ZFAT: variants seen among roughly 807,000 people sequenced by gnomAD.
ZFAT encodes zinc finger and AT-hook domain containing.
Under a neutral mutation model 117.7 loss-of-function variants are expected in ZFAT, and 64 were observed. The ratio of observed to expected loss-of-function variants is 0.54; its 90% confidence interval spans 0.44 to 0.67. ZFAT has a LOEUF of 0.67. ZFAT is among the 30% of genes least tolerant of loss of function. ZFAT has a pLI of 0.00. For missense variants in ZFAT, 1,433 were observed against 1,584.5 expected, an observed-to-expected ratio of 0.90 and a Z score of 1.62; for synonymous variants, 679 against 615.0, an observed-to-expected ratio of 1.10 and a Z score of -1.54.
chr8:134,724,824 G>T, the ZFAT span, among the ~76,000 whole-genome samples: 1 of 152,044 alleles, frequency 6.6e-6, no homozygotes, highest in Non-Finnish European at 1.5e-5. Flanking sequence ...ATTACCATGG[G>T]CTGTGGGGGA....
At chr8:134,820,874 C>CTT in the ZFAT span, among the ~76,000 whole-genome samples, 1 of 152,214 alleles carries the variant, frequency 6.6e-6, no homozygotes, top group Non-Finnish European at 1.5e-5. Context: ...ATCATAAACA[C>CTT]AAGGATAGAG....
At chr8:134,691,926 T>C (rs570593521) in intron 1 of ZFAT, among the ~76,000 whole-genome samples, 143 of 152,326 alleles carry the variant, frequency 9.4e-4, no homozygotes, top group Middle Eastern at 6.8e-3. Context: ...ACCCTGAGAA[T>C]AATCTGAACT....
intron 7 of ZFAT, chr8:134,599,235 T>G (rs571219395): frequency 6.6e-6 from 1 of 152,490 alleles, no homozygotes; most frequent in East Asian, 1.9e-4. Context: ...TGACATGCGA[T>G]AGCCGGTACA....
At chr8:134,513,680 G>A (rs73357572) in intron 13 of ZFAT, among the ~76,000 whole-genome samples, 27,803 of 152,092 alleles carry the variant, frequency 0.18, 4,443 homozygotes, top group African/African-American at 0.43. Flanking sequence ...GAGAGTGCAA[G>A]CAAAACTGTA....
At chr8:134,488,697 G>A (rs1817826021) in intron 15 of ZFAT, among the ~76,000 whole-genome samples, 1 of 149,080 alleles carries the variant, frequency 6.7e-6, no homozygotes, top group African/African-American at 2.4e-5. Context: ...ACAGGCTGCA[G>A]TTCAGGGAAG....
At chr8:134,637,737 A>G (rs1212728998) in intron 2 of ZFAT, 25 bp from the exon 3 acceptor site, 1 of 1,606,026 alleles carries the variant, frequency 6.2e-7, no homozygotes, top group Non-Finnish European at 8.5e-7. Context: ...AGAGGGCACA[A>G]TGGAATCACG....
chr8:134,714,104 C>T (rs1310523692), upstream of ZFAT, among the ~76,000 whole-genome samples: 1 of 111,674 alleles, frequency 9.0e-6, no homozygotes, highest in Non-Finnish European at 1.7e-5. Context: ...GCTGCAAAGA[C>T]ATGCCCCCCC....
intron 15 of ZFAT, among the ~76,000 whole-genome samples, chr8:134,508,110 T>G (rs554639470): frequency 1.3e-5 from 2 of 152,194 alleles, no homozygotes; most frequent in South Asian, 4.1e-4. Flanking sequence ...GAAATCACAC[T>G]GTGGAGGAGG....
At chr8:134,565,227 G>A (rs1259770066) in intron 11 of ZFAT, 106 bp downstream of exon 11, 13 of 1,567,408 alleles carry the variant, frequency 8.3e-6, no homozygotes, top group Admixed American at 5.5e-5. Flanking sequence ...GCCCCAAAGC[G>A]AAGGTAAAAC....
chr8:134,783,115 TTC>T, the ZFAT span, among the ~76,000 whole-genome samples: 5 of 152,222 alleles, frequency 3.3e-5, no homozygotes, highest in Admixed American at 3.3e-4. Flanking sequence ...TATATCAACC[TTC>T]TGTTACTTTT....
At chr8:134,566,101 A>G (rs1824440223) in intron 10 of ZFAT, among the ~76,000 whole-genome samples, 1 of 152,180 alleles carries the variant, frequency 6.6e-6, no homozygotes. Context: ...TCTTAAAAAG[A>G]TTAAGGTTTT....
chr8:134,671,178 G>C (rs1832544501), intron 1 of ZFAT, among the ~76,000 whole-genome samples: 1 of 152,168 alleles, frequency 6.6e-6, no homozygotes, highest in African/African-American at 2.4e-5. Context: ...AGAGGTACAA[G>C]GAGGAGCTGG....
At chr8:134,699,988 C>G (rs542322067) in intron 1 of ZFAT, among the ~76,000 whole-genome samples, 1 of 152,322 alleles carries the variant, frequency 6.6e-6, no homozygotes, top group South Asian at 2.1e-4. Flanking sequence ...CATTGTCAGG[C>G]AGTGATACTC....
At chr8:134,762,837 T>C in the ZFAT span, among the ~76,000 whole-genome samples, 9 of 152,206 alleles carry the variant, frequency 5.9e-5, no homozygotes, top group African/African-American at 1.9e-4. Flanking sequence ...TTGAAAAACC[T>C]GCTTTTTCCC....
intron 2 of ZFAT, among the ~76,000 whole-genome samples, chr8:134,641,772 T>C (rs193239162): frequency 6.6e-6 from 1 of 152,306 alleles, no homozygotes; most frequent in East Asian, 1.9e-4. Flanking sequence ...TGTCCCCAGT[T>C]TCCAAAAGGA....
At chr8:134,803,584 T>C in the ZFAT span, among the ~76,000 whole-genome samples, 1 of 152,188 alleles carries the variant, frequency 6.6e-6, no homozygotes, top group African/African-American at 2.4e-5. Flanking sequence ...ATAAGTCTTA[T>C]AAACTACTAC....
intron 1 of ZFAT, chr8:134,675,032 A>AC (rs1832727474): frequency 6.6e-6 from 1 of 152,310 alleles, no homozygotes; most frequent in Non-Finnish European, 1.5e-5. Flanking sequence ...AATTCCAAAA[A>AC]CCAGAAAGCC....
At chr8:134,658,442 C>T (rs1433592491) in intron 1 of ZFAT, among the ~76,000 whole-genome samples, 3 of 152,064 alleles carry the variant, frequency 2.0e-5, no homozygotes, top group East Asian at 1.9e-4. Context: ...TCTCAAATTA[C>T]GCACAAGGAA....
At chr8:134,700,478 G>A (rs879351128) in intron 1 of ZFAT, among the ~76,000 whole-genome samples, 7 of 152,324 alleles carry the variant, frequency 4.6e-5, no homozygotes, top group Middle Eastern at 3.4e-3. Context: ...CTCAGCCAGA[G>A]TGCTGGCACC....
Sources: allele counts gnomAD v4.1 joint callset (sites outside exome capture counted in the v4.1 genomes callset), GRCh38; gene constraint gnomAD v4.1.1; transcripts MANE v1.5; gene names NCBI Gene and HGNC (gene_info 2026-07-23, HGNC 2026-07-21).